Variants in RGS6 observed in about 807,000 individuals in gnomAD.
The protein encoded by RGS6 is regulator of G protein signaling 6.
RGS6 carries 30 observed loss-of-function variants against 78.5 expected under a neutral mutation model. That is an observed-to-expected ratio of 0.38 (90% CI 0.29 to 0.52). RGS6 has a LOEUF of 0.52. Among genes scored for constraint, RGS6 ranks in the 20% least tolerant of loss-of-function variants. The probability of loss-of-function intolerance (pLI) is 0.85; values close to 1 mark genes in which losing one functional copy is unlikely to be tolerated. For synonymous variants in RGS6, 206 were observed against 206.0 expected (o/e 1.00, Z 0.00); for missense variants, 495 against 609.7 (o/e 0.81, Z 1.98).
At chr14:72,016,949 C>T (rs1417100116) in intron 2 of RGS6, among the ~76,000 whole-genome samples, 1 of 152,152 alleles carries the variant, frequency 6.6e-6, no homozygotes, top group Non-Finnish European at 1.5e-5. Flanking sequence ...ATTTAGTTCT[C>T]TTTTTAGGTC....
rs1316116490 is a variant in RGS6 at position 71,932,806 on chromosome 14, C to T, written c.-156C>T. 6.6e-6 allele frequency: 1 copy of T among 152,212 alleles called. No homozygotes were observed. The highest frequency in any genetic ancestry group is 6.5e-5 in the Admixed American group (1 of 15,290). The allele number at this position is 152,212 out of a possible 1,614,324, so 9.4% of individuals were successfully genotyped here. ...AGCGGCGCGGAGACGGACTAGACTT[C>T]CCCTCCGCCCCCAAGAGGCTGCCGG... On this transcript the variant is annotated 5_prime_UTR_variant, in exon 1 of 18. Coordinates refer to ENST00000553525, the MANE Select transcript of RGS6 (RefSeq NM_001204424.2).
At chr14:72,311,069 A>T (rs1044195940) in intron 2 of RGS6, among the ~76,000 whole-genome samples, 50 of 152,248 alleles carry the variant, frequency 3.3e-4, no homozygotes, top group African/African-American at 1.0e-3. Context: ...CGATCACTCT[A>T]GCCGAAGAAT....
chr14:72,072,342 C>T (rs2094437594), intron 2 of RGS6, among the ~76,000 whole-genome samples: 1 of 150,834 alleles, frequency 6.6e-6, no homozygotes, highest in Non-Finnish European at 1.5e-5. Flanking sequence ...TGGAGTCTCG[C>T]TCTGTCGCCA....
the RGS6 span, among the ~76,000 whole-genome samples, chr14:71,924,853 G>C: frequency 6.6e-6 from 1 of 152,122 alleles, no homozygotes; most frequent in Admixed American, 6.5e-5. Context: ...CCCATAACCA[G>C]AATATTGTTA....
At chr14:72,449,980 G>C (rs774145511) in intron 3 of RGS6, among the ~76,000 whole-genome samples, 1 of 152,156 alleles carries the variant, frequency 6.6e-6, no homozygotes, top group African/African-American at 2.4e-5. Context: ...TCTTCTCTCT[G>C]TGCTTTTTAA....
intron 2 of RGS6, chr14:71,990,647 T>A: frequency 6.6e-6 from 3 of 456,042 alleles, no homozygotes; most frequent in South Asian, 1.5e-5. Context: ...CCGGGGCAGC[T>A]TCTTCTGCCC....
chr14:72,472,802 C>T (rs1484776122), intron 8 of RGS6, 70 bp from the exon 9 acceptor site: 9 of 1,166,068 alleles, frequency 7.7e-6, no homozygotes, highest in Middle Eastern at 2.0e-4. Context: ...GGAGCAAACG[C>T]TGGAGCAAGT....
intron 2 of RGS6, among the ~76,000 whole-genome samples, chr14:72,290,146 G>A (rs989929584): frequency 2.0e-5 from 3 of 152,240 alleles, no homozygotes; most frequent in South Asian, 2.1e-4. Flanking sequence ...TAAAGAAATC[G>A]AGATTTTATC....
At chr14:72,288,022 G>C (rs2062905592) in intron 2 of RGS6, among the ~76,000 whole-genome samples, 1 of 152,136 alleles carries the variant, frequency 6.6e-6, no homozygotes, top group African/African-American at 2.4e-5. Flanking sequence ...TTACATCTAT[G>C]TTCATCAGGG....
At chr14:72,258,926 C>G (rs2057595059) in intron 2 of RGS6, among the ~76,000 whole-genome samples, 1 of 152,112 alleles carries the variant, frequency 6.6e-6, no homozygotes, top group African/African-American at 2.4e-5. Flanking sequence ...GCTTCTGTGC[C>G]CTCTAGCAGC....
intron 2 of RGS6, among the ~76,000 whole-genome samples, chr14:71,981,752 C>T (rs1197074583): frequency 2.0e-4 from 30 of 151,402 alleles, no homozygotes; most frequent in African/African-American, 6.1e-4. Flanking sequence ...TGTCTGTGCC[C>T]TGCCCCCAGA....
At chr14:72,196,341 C>G (rs1166656271) in intron 2 of RGS6, among the ~76,000 whole-genome samples, 1 of 152,158 alleles carries the variant, frequency 6.6e-6, no homozygotes, top group East Asian at 1.9e-4. Context: ...CAGCAGGGAC[C>G]TGGGATTTCC....
chr14:72,625,396 T>A, the RGS6 span, among the ~76,000 whole-genome samples: 3 of 152,222 alleles, frequency 2.0e-5, no homozygotes, highest in African/African-American at 7.2e-5. Flanking sequence ...TCAAGTTGCT[T>A]CCTGTGTCCT....
rs545569202 is a variant in RGS6 at position 72,132,264 on chromosome 14, A to ATTC, written c.84+167404_84+167406dup. 3.6e-3 allele frequency among the ~76,000 whole-genome samples: 542 copies of ATTC among 149,770 alleles called. 3 individuals carry two copies. Among genetic ancestry groups the ATTC allele is most frequent in the African/African-American group, 0.013 (519 of 40,632 alleles). ...AGTAGACAATCCTCATTTTGTATGT[A>ATTC]TTCTTCTTCTTCTTCTTTTTTTTTT... On this transcript the variant is annotated intron_variant, in intron 2 of 17. Coordinates refer to ENST00000553525, the MANE Select transcript of RGS6 (RefSeq NM_001204424.2).
the RGS6 span, among the ~76,000 whole-genome samples, chr14:72,618,921 A>G: frequency 6.6e-6 from 1 of 152,068 alleles, no homozygotes; most frequent in East Asian, 1.9e-4. Flanking sequence ...CACAATAGAT[A>G]AAAAAACACC....
At position 71,962,098 on chromosome 14, in the gene RGS6, A is replaced by G. The variant is rs1308132913; in HGVS notation, c.-20-2674A>G. On this transcript the variant is annotated intron_variant, in intron 1 of 17. Transcript: ENST00000553525. ...GATTCTTTCTAGACACAGGAAAGCTAAATAGCTTGTCTGAGTTTCAAAACG... is the reference window on the plus strand; with the variant it reads ...GATTCTTTCTAGACACAGGAAAGCTGAATAGCTTGTCTGAGTTTCAAAACG... Among the ~76,000 whole-genome samples, 7 of 152,378 alleles carry G rather than the reference A, an allele frequency of 4.6e-5. No individual in the cohort carries two copies. The East Asian group carries it at 9.6e-4, about 21-fold the overall frequency.
chr14:72,450,214 C>T (rs1202955847), intron 3 of RGS6, among the ~76,000 whole-genome samples: 5 of 151,678 alleles, frequency 3.3e-5, no homozygotes, highest in Non-Finnish European at 7.4e-5. Flanking sequence ...TTACAGTAAC[C>T]CTGTTCTCAA....
the RGS6 span, among the ~76,000 whole-genome samples, chr14:71,877,728 G>A: frequency 6.6e-6 from 1 of 152,222 alleles, no homozygotes; most frequent in African/African-American, 2.4e-5. Flanking sequence ...TTGCTGGCAA[G>A]AAGCTGCATT....
At chr14:72,285,579 A>ATCCAATC (rs947334086) in intron 2 of RGS6, among the ~76,000 whole-genome samples, 9 of 152,150 alleles carry the variant, frequency 5.9e-5, no homozygotes, top group Admixed American at 5.2e-4. Context: ...AAATGGACTA[A>ATCCAATC]TCCAATCTCC....
Sources: allele counts gnomAD v4.1 joint callset (sites outside exome capture counted in the v4.1 genomes callset), GRCh38; gene constraint gnomAD v4.1.1; transcripts MANE v1.5; gene names NCBI Gene and HGNC (gene_info 2026-07-23, HGNC 2026-07-21).